Variants in ZNF723 observed in about 807,000 individuals in gnomAD.
The protein encoded by ZNF723 is zinc finger protein 723, pseudogene.
A neutral mutation model predicts 9.4 loss-of-function variants in ZNF723; 5 were observed. The observed-to-expected ratio is 0.53, with a 90% confidence interval of 0.28 to 1.12. ZNF723 has a LOEUF of 1.12. Among genes scored for constraint, ZNF723 ranks in the 50% most tolerant of loss-of-function variants. The pLI is 0.10. For missense variants in ZNF723, 450 were observed against 501.5 expected, an observed-to-expected ratio of 0.90 and a Z score of 0.98; for synonymous variants, 158 against 168.8, an observed-to-expected ratio of 0.94 and a Z score of 0.49.
chr19:22,823,204 G>T, the ZNF723 span, among the ~76,000 whole-genome samples: 1 of 152,136 alleles, frequency 6.6e-6, no homozygotes, highest in Non-Finnish European at 1.5e-5. Context: ...ACCGTATAAA[G>T]CCCTCAGGTG....
the ZNF723 span, among the ~76,000 whole-genome samples, chr19:22,823,731 T>C: frequency 6.6e-6 from 1 of 152,216 alleles, no homozygotes; most frequent in Non-Finnish European, 1.5e-5. Flanking sequence ...ACCAAGGTAA[T>C]ATGACTCTTC....
chr19:22,835,981 C>T (rs1345377416), intron 1 of ZNF723, among the ~76,000 whole-genome samples: 1 of 152,054 alleles, frequency 6.6e-6, no homozygotes, highest in South Asian at 2.1e-4. Flanking sequence ...AATGTAAGCA[C>T]CTTAAAATTT....
Position 22,857,823 on chromosome 19 carries a change from A to G in ZNF723, c.932A>G (p.Lys311Arg), listed in dbSNP as rs1009105890. The G allele has an allele frequency of 5.7e-6, 8 of 1,393,498 alleles. No individual in the cohort carries two copies. The African/African-American group carries it at 1.1e-4, about 20-fold the overall frequency. 86.3% of individuals were successfully genotyped at this position (1,393,498 alleles called of 1,614,324 possible). A position where few individuals can be genotyped will look rare whatever the true frequency, so the allele number is the denominator to read the frequency against. The change falls in exon 4 of 4, where the codon AAA becomes AGA. Residue 311 changes from lysine to arginine, a missense_variant. Transcript: ENST00000600766. Reference sequence around the variant, plus strand: ...CATAAGAGAATTCATACTGGAGAGAAACCCTACAAATGTGAAGAATGTGGC... The same window carrying G: ...CATAAGAGAATTCATACTGGAGAGAGACCCTACAAATGTGAAGAATGTGGC... ...NNHKRIHTGE[K>R]PYKCEECGKA...
intron 1 of ZNF723, among the ~76,000 whole-genome samples, chr19:22,835,869 C>T (rs1024164030): frequency 6.6e-6 from 1 of 151,990 alleles, no homozygotes; most frequent in African/African-American, 2.4e-5. Context: ...TAGGAATGTT[C>T]CCATATGATT....
chr19:22,821,748 A>C, the ZNF723 span, among the ~76,000 whole-genome samples: 4 of 152,332 alleles, frequency 2.6e-5, no homozygotes, highest in Non-Finnish European at 5.9e-5. Flanking sequence ...TCTCTTAGCT[A>C]GATTTTGGAC....
At chr19:22,853,425 T>A (rs1223751499) in intron 3 of ZNF723, among the ~76,000 whole-genome samples, 2 of 152,158 alleles carry the variant, frequency 1.3e-5, no homozygotes, top group Non-Finnish European at 2.9e-5. Flanking sequence ...TTCAAAATAT[T>A]AATTATTTCA....
Position 22,834,576 on chromosome 19 carries a change from G to A in ZNF723, c.3+2194G>A, listed in dbSNP as rs1196606901. Reference sequence around the variant, plus strand: ...CAGTGTCTAGGTAATATCCGCTCCTGGGTCGTTTTCTGCCATAGGACAACC... The same window carrying A: ...CAGTGTCTAGGTAATATCCGCTCCTAGGTCGTTTTCTGCCATAGGACAACC... On this transcript the variant is annotated intron_variant, in intron 1 of 3. Transcript: ENST00000600766. 3.3e-5 allele frequency among the ~76,000 whole-genome samples: 5 copies of A among 152,096 alleles called. No individual in the cohort carries two copies. The East Asian group carries it at 9.6e-4, about 29-fold the overall frequency.
At chr19:22,824,138 C>T in the ZNF723 span, among the ~76,000 whole-genome samples, 1 of 152,250 alleles carries the variant, frequency 6.6e-6, no homozygotes, top group Admixed American at 6.5e-5. Context: ...GCCCTGCTAA[C>T]CGTGGGAATT....
rs7246859 is a variant in ZNF723 at position 22,836,076 on chromosome 19, T to G, written c.3+3694T>G. Among the ~76,000 whole-genome samples the G allele has an allele frequency of 8.5e-3, 1,296 of 152,208 alleles. 20 individuals carry two copies. Among genetic ancestry groups the G allele is most frequent in the African/African-American group, 0.03 (1,228 of 41,516 alleles). ...CTGAGTAAATAACTGACATAAAAAT[T>G]GAAGCTTGAGCCCAGGGACTCCAAG... On this transcript the variant is annotated intron_variant, in intron 1 of 3. Transcript: ENST00000600766.
the ZNF723 span, among the ~76,000 whole-genome samples, chr19:22,826,776 A>T: frequency 3.9e-5 from 6 of 152,224 alleles, no homozygotes; most frequent in Non-Finnish European, 8.8e-5. Flanking sequence ...CGAACAACAG[A>T]AATAAAAAAG....
At chr19:22,828,327 T>C (rs1967058961), upstream of ZNF723, among the ~76,000 whole-genome samples, 1 of 152,152 alleles carries the variant, frequency 6.6e-6, no homozygotes. Flanking sequence ...CACTCTGACC[T>C]ACGTAAGAAC....
intron 1 of ZNF723, among the ~76,000 whole-genome samples, chr19:22,832,914 A>G (rs1292596181): frequency 6.6e-6 from 1 of 152,222 alleles, no homozygotes; most frequent in African/African-American, 2.4e-5. Flanking sequence ...AAAAACCCAA[A>G]TTCTGTAATC....
At chr19:22,832,950 T>C (rs1360549277) in intron 1 of ZNF723, among the ~76,000 whole-genome samples, 1 of 152,182 alleles carries the variant, frequency 6.6e-6, no homozygotes, top group East Asian at 1.9e-4. Flanking sequence ...GTTTCCTAAT[T>C]TCCACCTTGA....
Position 22,851,683 on chromosome 19 carries a change from A to G in ZNF723, c.226+2390A>G, listed in dbSNP as rs560174646. Reference sequence around the variant, plus strand: ...GCCTGGCCACCATGTAGCATTTGTTATAGGACTGTGTTAGTGGTGATGAAC... The same window carrying G: ...GCCTGGCCACCATGTAGCATTTGTTGTAGGACTGTGTTAGTGGTGATGAAC... On this transcript the variant is annotated intron_variant, in intron 3 of 3. Transcript: ENST00000600766. Among the ~76,000 whole-genome samples, 202 of 152,274 alleles carry G rather than the reference A, an allele frequency of 1.3e-3. 1 individual carries two copies. Among genetic ancestry groups the G allele is most frequent in the Middle Eastern group, 3.4e-3 (1 of 294 alleles).
chr19:22,817,009 A>T, the ZNF723 span, among the ~76,000 whole-genome samples: 1 of 152,230 alleles, frequency 6.6e-6, no homozygotes, highest in African/African-American at 2.4e-5. Flanking sequence ...GCTGTGCCCA[A>T]TGAGGAATTG....
At chr19:22,842,622 C>G (rs1488617073) in intron 1 of ZNF723, among the ~76,000 whole-genome samples, 1 of 152,186 alleles carries the variant, frequency 6.6e-6, no homozygotes. Context: ...AATAAACGGT[C>G]TACTTACATT....
intron 3 of ZNF723, among the ~76,000 whole-genome samples, chr19:22,852,416 A>G (rs1316943642): frequency 2.0e-5 from 3 of 152,148 alleles, no homozygotes; most frequent in African/African-American, 4.8e-5. Context: ...TTTCATTCAT[A>G]TATCTGTTTC....
the ZNF723 span, among the ~76,000 whole-genome samples, chr19:22,826,307 G>T: frequency 6.6e-6 from 1 of 151,786 alleles, no homozygotes; most frequent in African/African-American, 2.4e-5. Flanking sequence ...ATATACCTAT[G>T]CCCGGCTAAC....
chr19:22,830,343 G>A (rs780189033), upstream of ZNF723, among the ~76,000 whole-genome samples: 1 of 152,092 alleles, frequency 6.6e-6, no homozygotes, highest in African/African-American at 2.4e-5. Context: ...TTTAAAAATT[G>A]TTTTCATAGA....
Sources: gnomAD v4.1 joint callset for allele counts (sites outside exome capture counted in the v4.1 genomes callset) on GRCh38, gnomAD v4.1.1 for gene constraint, MANE v1.5 for transcripts, NCBI Gene and HGNC (gene_info 2026-07-23, HGNC 2026-07-21) for gene names.